Variants in CEP112 observed in about 807,000 individuals in gnomAD.
The protein encoded by CEP112 is centrosomal protein 112.
A neutral mutation model predicts 153.0 loss-of-function variants in CEP112; 127 were observed. The observed-to-expected ratio is 0.83, with a 90% CI of 0.72 to 0.96. The LOEUF (loss-of-function observed/expected upper bound fraction) is 0.96. Ranked by LOEUF, CEP112 falls within the 40% of genes least tolerant of loss-of-function variation. The pLI is 0.00. For missense variants in CEP112, 1,089 were observed against 1,101.2 expected, an observed-to-expected ratio of 0.99 and a Z score of 0.16; for synonymous variants, 358 against 374.4, an observed-to-expected ratio of 0.96 and a Z score of 0.51.
intron 5 of CEP112, among the ~76,000 whole-genome samples, chr17:66,130,562 T>C (rs963028779): frequency 4.6e-5 from 7 of 151,888 alleles, no homozygotes; most frequent in Non-Finnish European, 1.0e-4. Context: ...GATCACGAGG[T>C]CAGGAGATCA....
chr17:65,798,696 T>A (rs1434236769), intron 21 of CEP112, among the ~76,000 whole-genome samples: 1 of 152,240 alleles, frequency 6.6e-6, no homozygotes, highest in Non-Finnish European at 1.5e-5. Context: ...GAACAGAATT[T>A]GGAAAAATCC....
chr17:65,954,584 G>A (rs73336647), intron 18 of CEP112, among the ~76,000 whole-genome samples: 1,701 of 152,176 alleles, frequency 0.011, 34 homozygotes, highest in African/African-American at 0.039. Flanking sequence ...AGAGAAAGGT[G>A]AGGTTCAACA....
intron 24 of CEP112, among the ~76,000 whole-genome samples, chr17:65,680,834 C>T (rs184057306): frequency 3.3e-5 from 5 of 152,212 alleles, no homozygotes; most frequent in African/African-American, 7.2e-5. Context: ...CTTCACAAGG[C>T]GGCAGGAGAC....
intron 18 of CEP112, among the ~76,000 whole-genome samples, chr17:65,946,895 AC>A (rs1230126740): frequency 6.6e-6 from 1 of 152,080 alleles, no homozygotes; most frequent in African/African-American, 2.4e-5. Context: ...CAGAACAGAG[AC>A]CTTGTGCATC....
chr17:65,911,890 C>T (rs952476884), intron 19 of CEP112, among the ~76,000 whole-genome samples: 4 of 152,158 alleles, frequency 2.6e-5, no homozygotes, highest in East Asian at 3.9e-4. Context: ...CAGTCGTTTC[C>T]GGAAGGTAAG....
intron 12 of CEP112, among the ~76,000 whole-genome samples, chr17:66,042,843 A>T (rs1193344561): frequency 1.8e-5 from 1 of 55,496 alleles, no homozygotes; most frequent in Non-Finnish European, 4.3e-5. Context: ...TAAAACTATT[A>T]AAAAAAAGTG....
At chr17:66,126,389 A>G (rs1459960434) in intron 6 of CEP112, among the ~76,000 whole-genome samples, 3 of 152,200 alleles carry the variant, frequency 2.0e-5, no homozygotes, top group African/African-American at 7.2e-5. Flanking sequence ...GGGTACACAT[A>G]GAGTGTTTCA....
chr17:65,693,290 TCTC>T (rs2048204232), intron 23 of CEP112, among the ~76,000 whole-genome samples: 2 of 152,090 alleles, frequency 1.3e-5, no homozygotes, highest in South Asian at 2.1e-4. Context: ...TCCCCACTGC[TCTC>T]CTGAGTCAGT....
At chr17:66,054,092 A>G (rs1233638459) in intron 11 of CEP112, among the ~76,000 whole-genome samples, 1 of 152,238 alleles carries the variant, frequency 6.6e-6, no homozygotes, top group African/African-American at 2.4e-5. Context: ...ACTTTCCTGA[A>G]TTGAAAATTT....
At chr17:65,844,378 A>G (rs2057640915) in intron 21 of CEP112, among the ~76,000 whole-genome samples, 1 of 152,238 alleles carries the variant, frequency 6.6e-6, no homozygotes. Flanking sequence ...TCCACATTAA[A>G]CAATTAAAAT....
chr17:66,049,713 T>C (rs1241070169), intron 12 of CEP112, among the ~76,000 whole-genome samples: 1 of 152,186 alleles, frequency 6.6e-6, no homozygotes, highest in East Asian at 1.9e-4. Flanking sequence ...ATTGTGCCAC[T>C]GCACTACATC....
chr17:66,090,823 T>C (rs982476430), intron 8 of CEP112, among the ~76,000 whole-genome samples: 12 of 151,922 alleles, frequency 7.9e-5, no homozygotes, highest in Non-Finnish European at 1.8e-4. Context: ...AGAACCTACA[T>C]AGACTGAAAG....
At chr17:65,782,559 A>C (rs1209253911) in intron 21 of CEP112, among the ~76,000 whole-genome samples, 4 of 152,242 alleles carry the variant, frequency 2.6e-5, no homozygotes, top group African/African-American at 9.6e-5. Context: ...CTGCAGCACT[A>C]TTCACAATAG....
chr17:66,050,264 T>C (rs776029351), intron 12 of CEP112, among the ~76,000 whole-genome samples: 1 of 152,214 alleles, frequency 6.6e-6, no homozygotes, highest in African/African-American at 2.4e-5. Context: ...TTTTTTCTCA[T>C]ATTAGTGACT....
intron 4 of CEP112, among the ~76,000 whole-genome samples, chr17:66,142,935 T>C (rs959361589): frequency 6.6e-6 from 1 of 152,216 alleles, no homozygotes; most frequent in African/African-American, 2.4e-5. Context: ...TTGCTTTGTG[T>C]ATGGACATTT....
intron 21 of CEP112, among the ~76,000 whole-genome samples, chr17:65,817,814 T>C (rs1254532485): frequency 6.6e-6 from 1 of 151,864 alleles, no homozygotes; most frequent in Non-Finnish European, 1.5e-5. Flanking sequence ...GCTTATAACC[T>C]AGTAAATGCA....
At chr17:65,968,895 A>G (rs979028005) in intron 17 of CEP112, among the ~76,000 whole-genome samples, 8 of 152,156 alleles carry the variant, frequency 5.3e-5, no homozygotes, top group African/African-American at 1.9e-4. Flanking sequence ...TGAATTTATA[A>G]TAAGTACTTA....
At chr17:65,734,681 C>T (rs1363462931) in intron 23 of CEP112, among the ~76,000 whole-genome samples, 4 of 152,168 alleles carry the variant, frequency 2.6e-5, no homozygotes, top group Admixed American at 2.0e-4. Flanking sequence ...CTTCTGCTTT[C>T]AATCTCTTGC....
chr17:65,651,702 C>G (rs140155391), intron 24 of CEP112, among the ~76,000 whole-genome samples: 13 of 148,742 alleles, frequency 8.7e-5, no homozygotes, highest in Non-Finnish European at 1.6e-4. Flanking sequence ...TCCTTCCTTC[C>G]TTTCTTTTCT....
Sources: allele counts gnomAD v4.1 joint callset (sites outside exome capture counted in the v4.1 genomes callset), GRCh38; gene constraint gnomAD v4.1.1; transcripts MANE v1.5; gene names NCBI Gene and HGNC (gene_info 2026-07-23, HGNC 2026-07-21).